KCNQ1OT1: variants seen among roughly 807,000 people sequenced by gnomAD.
KCNQ1OT1 encodes the protein KCNQ1 opposite strand/antisense transcript 1, also known as KCNQ1 antisense RNA 2 (non-protein coding).
At chr11:2,660,692 G>C (rs767078804) in exon 1 of KCNQ1OT1, 2 of 398,570 alleles carry the variant, frequency 5.0e-6, no homozygotes, top group Non-Finnish European at 8.8e-6. Context: ...CCCTGCAAAA[G>C]GTGCTGACAA....
At position 2,659,630 on chromosome 11, in the gene KCNQ1OT1, G is replaced by A. The variant is rs940000721; in HGVS notation, n.40365C>T. ...ACTTGGGTGGGAAAGGAACCGATAG[G>A]TCATGTGGTATGTGTATGTTTAACT... is the stretch of plus-strand genomic sequence containing the variant. On this transcript the variant is annotated non_coding_transcript_exon_variant, in exon 1 of 1. Coordinates refer to ENST00000597346, the Ensembl canonical transcript of KCNQ1OT1. This position sits in a 1 kb window ranked among gnomAD's most constrained non-coding sequence, Gnocchi z 4.3. 12 of 398,404 alleles carry A rather than the reference G, an allele frequency of 3.0e-5. No homozygotes were observed. The highest frequency in any genetic ancestry group is 2.2e-4 in the Admixed American group (5 of 22,714). The allele number at this position is 398,404 out of a possible 1,614,324, so 24.7% of individuals were successfully genotyped here.
exon 1 of KCNQ1OT1, chr11:2,618,651 A>C (rs1048303900): frequency 4.3e-5 from 17 of 398,474 alleles, no homozygotes; most frequent in Admixed American, 1.3e-4. Context: ...TTTTCAGAAC[A>C]GAATTTTCAG....
Position 2,651,219 on chromosome 11 carries a change from G to T in KCNQ1OT1, n.48776C>A, listed in dbSNP as rs1422567593. The T allele has an allele frequency of 5.0e-6, 2 of 398,540 alleles. No homozygotes were observed. Among genetic ancestry groups the T allele is most frequent in the East Asian group, 7.1e-5 (2 of 28,092 alleles). 24.7% of individuals were successfully genotyped at this position (398,540 alleles called of 1,614,324 possible). On this transcript the variant is annotated non_coding_transcript_exon_variant, in exon 1 of 1. Coordinates refer to ENST00000597346, the Ensembl canonical transcript of KCNQ1OT1. This position sits in a 1 kb window ranked among gnomAD's most constrained non-coding sequence, Gnocchi z 6.1. Reference sequence around the variant, plus strand: ...CTTCCTGTCACCCTGTCTTGTGTCAGTCTCACAGCACACACAGCTTAATTC... The same window carrying T: ...CTTCCTGTCACCCTGTCTTGTGTCATTCTCACAGCACACACAGCTTAATTC...
At chr11:2,633,117 G>T (rs1849390333) in exon 1 of KCNQ1OT1, 1 of 398,302 alleles carries the variant, frequency 2.5e-6, no homozygotes, top group Non-Finnish European at 4.4e-6. Context: ...TCTAACTGAG[G>T]TGAAATAATG....
chr11:2,685,183 C>T (rs922432631), exon 1 of KCNQ1OT1: 2 of 398,670 alleles, frequency 5.0e-6, no homozygotes, highest in Admixed American at 4.4e-5. Context: ...GCATGGAATG[C>T]CCCCTTCGTG....
exon 1 of KCNQ1OT1, chr11:2,632,202 AAGAAAT>A (rs886116151): frequency 2.5e-6 from 1 of 397,780 alleles, no homozygotes; most frequent in African/African-American, 2.1e-5. Flanking sequence ...AAAAAAAAAA[AAGAAAT>A]GCAACTGAAT....
rs543520772 is a variant in KCNQ1OT1, at chr11:2,616,736, G to A, written n.83259C>T. 4.5e-5 allele frequency: 18 copies of A among 398,154 alleles called. No individual in the cohort carries two copies. The East Asian group carries it at 5.7e-4, about 13-fold the overall frequency. 24.7% of individuals were successfully genotyped at this position (398,154 alleles called of 1,614,324 possible). A position where few individuals can be genotyped will look rare whatever the true frequency, so the allele number is the denominator to read the frequency against. On this transcript the variant is annotated non_coding_transcript_exon_variant, in exon 1 of 1. Transcript: ENST00000597346. Reference sequence around the variant, plus strand: ...TACAGATTTCTGGCCTCACTATATTGTAGTTAGAGAAGATATTTTGTATGA... The same window carrying A: ...TACAGATTTCTGGCCTCACTATATTATAGTTAGAGAAGATATTTTGTATGA...
At chr11:2,643,458 T>G in exon 1 of KCNQ1OT1, 1 of 398,472 alleles carries the variant, frequency 2.5e-6, no homozygotes, top group Non-Finnish European at 4.4e-6. Flanking sequence ...TTTTATCTGA[T>G]GAAAGTATAG....
At chr11:2,688,788 C>T (rs1024997459) in exon 1 of KCNQ1OT1, 4 of 398,664 alleles carry the variant, frequency 1.0e-5, no homozygotes, top group Non-Finnish European at 1.8e-5. Flanking sequence ...TATATACTTG[C>T]CCTCCCCCAC....
At chr11:2,697,403 T>C (rs898868638) in exon 1 of KCNQ1OT1, 2 of 398,632 alleles carry the variant, frequency 5.0e-6, no homozygotes, top group Non-Finnish European at 8.8e-6. Flanking sequence ...TATTAGGGTA[T>C]GGCCAGGATG....
At chr11:2,665,262 C>T in exon 1 of KCNQ1OT1, 1 of 398,552 alleles carries the variant, frequency 2.5e-6, no homozygotes, top group Admixed American at 4.4e-5. Context: ...GCCTCAAACT[C>T]CCTGAGCCTG....
rs193076847 is a variant in KCNQ1OT1, at chr11:2,658,146, C to G, written n.41849G>C. 7.7e-4 allele frequency: 306 copies of G among 398,584 alleles called. No individual in the cohort carries two copies. The highest frequency in any genetic ancestry group is 5.7e-3 in the African/African-American group (277 of 48,746). 24.7% of individuals were successfully genotyped at this position (398,584 alleles called of 1,614,324 possible). On this transcript the variant is annotated non_coding_transcript_exon_variant, in exon 1 of 1. Transcript: ENST00000597346. The surrounding 1 kb of genome is among the most constrained non-coding windows in gnomAD (Gnocchi z 4.9). The stretch of plus-strand genomic sequence containing the variant: ...TGCAAATATGTTAAAACTACCACAG[C>G]AATTAAAATACATTTCAAGGAAGAA...
At position 2,678,164 on chromosome 11, in the gene KCNQ1OT1, T is replaced by A; in HGVS notation, n.21831A>T. 2.5e-6 allele frequency: 1 copy of A among 398,356 alleles called. No homozygotes were observed. The highest frequency in any genetic ancestry group is 2.1e-5 in the African/African-American group (1 of 48,750). The allele number at this position is 398,356 out of a possible 1,614,324, so 24.7% of individuals were successfully genotyped here. ...TCCTTAGGTGTTTTGGCTTTTTCTA[T>A]AATATTTTTCTGGTGGCAGAATTTT... On this transcript the variant is annotated non_coding_transcript_exon_variant, in exon 1 of 1. Coordinates refer to ENST00000597346, the Ensembl canonical transcript of KCNQ1OT1. The surrounding 1 kb of genome is among the most constrained non-coding windows in gnomAD (Gnocchi z 4.9).
Position 2,690,755 on chromosome 11 carries a change from T to C in KCNQ1OT1, n.9240A>G. On this transcript the variant is annotated non_coding_transcript_exon_variant, in exon 1 of 1. Coordinates refer to ENST00000597346, the Ensembl canonical transcript of KCNQ1OT1. This position sits in a 1 kb window ranked among gnomAD's most constrained non-coding sequence, Gnocchi z 5.1. ...AGATGGAGTATGATCCCAAATCCCT[T>C]AGGTGGATGTGGCCTGGCAGGGGGT... 1 of 398,602 alleles carries C rather than the reference T, an allele frequency of 2.5e-6. No homozygotes were observed. Among genetic ancestry groups the C allele is most frequent in the East Asian group, 3.6e-5 (1 of 28,070 alleles). The allele number at this position is 398,602 out of a possible 1,614,324, so 24.7% of individuals were successfully genotyped here. A position where few individuals can be genotyped will look rare whatever the true frequency, so the allele number is the denominator to read the frequency against.
chr11:2,661,643 G>A lies in KCNQ1OT1; in HGVS notation n.38352C>T, dbSNP rs1849958136. The stretch of plus-strand genomic sequence containing the variant: ...TGTTTTATTCTTGACCCAAGTGTCA[G>A]TTGTGAACATGGGAAGAGGCCCAGA... On this transcript the variant is annotated non_coding_transcript_exon_variant, in exon 1 of 1. Transcript: ENST00000597346. The surrounding 1 kb of genome is among the most constrained non-coding windows in gnomAD (Gnocchi z 5.9). 2 of 594,974 alleles carry A rather than the reference G, an allele frequency of 3.4e-6. No individual in the cohort carries two copies. The highest frequency in any genetic ancestry group is 4.5e-4 in the Middle Eastern group (1 of 2,244). The allele number at this position is 594,974 out of a possible 1,614,324, so 36.9% of individuals were successfully genotyped here.
chr11:2,688,393 C>T (rs1850529103), exon 1 of KCNQ1OT1: 1 of 398,646 alleles, frequency 2.5e-6, no homozygotes, highest in African/African-American at 2.1e-5. Context: ...TAACTGCCAT[C>T]CTTTGCTGAT....
rs561590392 is a variant in KCNQ1OT1, at chr11:2,645,439, C to A, written n.54556G>T. 37 of 398,636 alleles carry A rather than the reference C, an allele frequency of 9.3e-5. No homozygotes were observed. Among genetic ancestry groups the A allele is most frequent in the African/African-American group, 7.6e-4 (37 of 48,736 alleles). The allele number at this position is 398,636 out of a possible 1,614,324, so 24.7% of individuals were successfully genotyped here. ...CTCCAGTAATGCAAGAATGTACTGA[C>A]TGTGGTAGGCAGGCACAGGAAGATC... On this transcript the variant is annotated non_coding_transcript_exon_variant, in exon 1 of 1. Coordinates refer to ENST00000597346, the Ensembl canonical transcript of KCNQ1OT1. The surrounding 1 kb of genome is among the most constrained non-coding windows in gnomAD (Gnocchi z 5.8).
exon 1 of KCNQ1OT1, chr11:2,693,793 G>C (rs912176852): frequency 2.5e-6 from 1 of 398,714 alleles, no homozygotes; most frequent in African/African-American, 2.1e-5. Flanking sequence ...GTTCAGAGGA[G>C]CATGGCACAG....
At chr11:2,699,540 A>T in exon 1 of KCNQ1OT1, 1 of 335,442 alleles carries the variant, frequency 3.0e-6, no homozygotes, top group East Asian at 4.9e-5. Flanking sequence ...GAGGAGGCCC[A>T]GGGAGGACCG....
Sources: allele counts gnomAD v4.1 joint callset, GRCh38; gene constraint gnomAD v4.1.1; non-coding constraint Gnocchi (gnomAD v3.1); transcripts MANE v1.5; gene names NCBI Gene and HGNC (gene_info 2026-07-23, HGNC 2026-07-21).